Variants in FMNL3 observed in about 807,000 individuals in gnomAD.
The protein encoded by FMNL3 is formin like 3, also known as formin-like protein 3.
FMNL3 carries 57 observed loss-of-function variants against 119.6 expected under a neutral mutation model. The observed-to-expected ratio is 0.48, with a 90% CI of 0.39 to 0.59. The LOEUF is 0.59. FMNL3 is among the 20% of genes least tolerant of loss of function. The pLI is 0.00. For missense variants in FMNL3, 1,053 were observed against 1,323.5 expected (o/e 0.80, Z 3.17); for synonymous variants, 491 against 507.3 (o/e 0.97, Z 0.43).
At chr12:49,697,713 C>T (rs1414715501) in intron 1 of FMNL3, among the ~76,000 whole-genome samples, 2 of 152,102 alleles carry the variant, frequency 1.3e-5, no homozygotes, top group African/African-American at 2.4e-5. Flanking sequence ...ATTTTTAGCA[C>T]CTTTATAGGT....
rs551637787 is a variant in FMNL3, at chr12:49,679,963, T to C, written c.127-11409A>G. 5.3e-5 allele frequency among the ~76,000 whole-genome samples: 8 copies of C among 152,348 alleles called. No homozygotes were observed. In the South Asian group the frequency reaches 1.2e-3, roughly 24 times the overall value. On this transcript the variant is annotated intron_variant, in intron 1 of 25. Coordinates refer to ENST00000335154, the MANE Select transcript of FMNL3 (RefSeq NM_175736.5). Reference sequence around the variant, plus strand: ...GCCAGGATGATGCTAGACCCTTCAATTGCAAGATTTCATGGAAAAGTCACT... The same window carrying C: ...GCCAGGATGATGCTAGACCCTTCAACTGCAAGATTTCATGGAAAAGTCACT...
At chr12:49,662,093 G>C in intron 4 of FMNL3, 44 bp from the exon 5 acceptor site, 1 of 1,589,340 alleles carries the variant, frequency 6.3e-7, no homozygotes, top group Non-Finnish European at 8.6e-7. Context: ...GCTAAAAGTG[G>C]GTCAAGGATG....
chr12:49,637,366 T>A lies in FMNL3; in HGVS notation c.*8449A>T. On this transcript the variant is annotated 3_prime_UTR_variant, in exon 26 of 26. Coordinates refer to ENST00000335154, the MANE Select transcript of FMNL3 (RefSeq NM_175736.5). ...CTCTCTTGCCTGCATTTCCTCAATC[T>A]TGATTGTCCCTGCCTCTTCCTCTGC... 1.3e-6 allele frequency: 1 copy of A among 745,650 alleles called. No individual in the cohort carries two copies. Among genetic ancestry groups the A allele is most frequent in the South Asian group, 1.7e-5 (1 of 60,304 alleles). The allele number at this position is 745,650 out of a possible 1,614,324, so 46.2% of individuals were successfully genotyped here.
chr12:49,666,250 G>A (rs757959436), intron 2 of FMNL3, 43 bp from the exon 3 acceptor site: 2 of 1,541,864 alleles, frequency 1.3e-6, no homozygotes, highest in Admixed American at 1.7e-5. Flanking sequence ...AAGACAACCA[G>A]AGACCTGAGG....
rs370425480 is a variant in FMNL3, at chr12:49,671,525, C to A, written c.127-2971G>T. 3.9e-5 allele frequency among the ~76,000 whole-genome samples: 6 copies of A among 152,212 alleles called. No individual in the cohort carries two copies. The East Asian group carries it at 9.6e-4, about 24-fold the overall frequency. ...CGGGTCACTGGCTGCCAGTGGGAGC[C>A]ACCTGCCAAGGGGGCATAAACCAGA... On this transcript the variant is annotated intron_variant, in intron 1 of 25. Coordinates refer to ENST00000335154, the MANE Select transcript of FMNL3 (RefSeq NM_175736.5).
Position 49,642,880 on chromosome 12 carries a change from T to C in FMNL3, c.*2935A>G, listed in dbSNP as rs1337118913. 4 of 1,569,008 alleles carry C rather than the reference T, an allele frequency of 2.5e-6. No individual in the cohort carries two copies. The highest frequency in any genetic ancestry group is 3.5e-6 in the Non-Finnish European group (4 of 1,151,910). ...AGATTTTAGGAAGTAGGATCCTTCC[T>C]GGGGCTAAGTCTGGTGCTGTCCTCA... On this transcript the variant is annotated 3_prime_UTR_variant, in exon 26 of 26. Coordinates refer to ENST00000335154, the MANE Select transcript of FMNL3 (RefSeq NM_175736.5). This position sits in a 1 kb window ranked among gnomAD's most constrained non-coding sequence, Gnocchi z 5.8.
chr12:49,648,974 G>A, intron 21 of FMNL3, 55 bp downstream of exon 21: 1 of 1,526,802 alleles, frequency 6.5e-7, no homozygotes, highest in Non-Finnish European at 8.8e-7. Flanking sequence ...ATAGCTTCCT[G>A]GGATTGTCCT....
At chr12:49,686,481 G>C (rs1944463197) in intron 1 of FMNL3, among the ~76,000 whole-genome samples, 1 of 151,364 alleles carries the variant, frequency 6.6e-6, no homozygotes, top group African/African-American at 2.4e-5. Flanking sequence ...GGGAGGCTGA[G>C]GCAGGAGAAT....
Position 49,637,800 on chromosome 12 carries a change from G to A in FMNL3, c.*8015C>T. 6.2e-7 allele frequency: 1 copy of A among 1,608,530 alleles called. No individual in the cohort carries two copies. ...TGAAGGCACGATTCCATGATGAAAA[G>A]AAGATCATTAAGGACATCCTTAAGG... On this transcript the variant is annotated 3_prime_UTR_variant, in exon 26 of 26. Coordinates refer to ENST00000335154, the MANE Select transcript of FMNL3 (RefSeq NM_175736.5).
At chr12:49,662,125 C>G (rs1373908346) in intron 4 of FMNL3, 76 bp from the exon 5 acceptor site, 1 of 1,312,332 alleles carries the variant, frequency 7.6e-7, no homozygotes, top group Non-Finnish European at 1.1e-6. Flanking sequence ...ATGCCTCTGA[C>G]CCAACACCTC....
chr12:49,652,050 C>T lies in FMNL3; in HGVS notation c.1486G>A (p.Glu496Lys). 6.2e-7 allele frequency: 1 copy of T among 1,610,988 alleles called. No individual in the cohort carries two copies. Among genetic ancestry groups the T allele is most frequent in the Non-Finnish European group, 8.5e-7 (1 of 1,178,654 alleles). The change falls in exon 14 of 26, where the codon GAG becomes AAG. Residue 496 changes from glutamate to lysine, a missense_variant. Coordinates refer to ENST00000335154, the MANE Select transcript of FMNL3 (RefSeq NM_175736.5). ...LARVGPAELS[E>K]GMPPSDLDLL... ...TCCAGGTCGGAGGGTGGCATGCCCTCACTCAGCTCTGCAGGGCCTACTCTG... is the reference window on the plus strand; with the variant it reads ...TCCAGGTCGGAGGGTGGCATGCCCTTACTCAGCTCTGCAGGGCCTACTCTG...
chr12:49,688,680 A>C, intron 1 of FMNL3: 1 of 365,524 alleles, frequency 2.7e-6, no homozygotes, highest in South Asian at 2.1e-5. Context: ...CAGACCAGGC[A>C]AGAGCTGAAG....
Position 49,639,867 on chromosome 12 carries a change from C to T in FMNL3, c.*5948G>A, listed in dbSNP as rs186076159. ...AATAGGAATTCTATTTGGGGAATTACTCTCAAAGCAAATATATTTTAAAAC... is the reference window on the plus strand; with the variant it reads ...AATAGGAATTCTATTTGGGGAATTATTCTCAAAGCAAATATATTTTAAAAC... On this transcript the variant is annotated 3_prime_UTR_variant, in exon 26 of 26. Transcript: ENST00000335154. The T allele has an allele frequency of 1.3e-5, 2 of 152,272 alleles. No individual in the cohort carries two copies. The highest frequency in any genetic ancestry group is 6.5e-5 in the Admixed American group (1 of 15,302). 9.4% of individuals were successfully genotyped at this position (152,272 alleles called of 1,614,324 possible).
At chr12:49,654,676 G>A (rs911353485) in intron 10 of FMNL3, among the ~76,000 whole-genome samples, 2 of 151,970 alleles carry the variant, frequency 1.3e-5, no homozygotes, top group Non-Finnish European at 2.9e-5. Context: ...CCAATTCAAG[G>A]ACAAAAAGGC....
intron 1 of FMNL3, among the ~76,000 whole-genome samples, chr12:49,681,953 C>A (rs1944346488): frequency 6.6e-6 from 1 of 152,094 alleles, no homozygotes; most frequent in Admixed American, 6.5e-5. Context: ...GGATTTTGCA[C>A]AGTGCCTGGC....
intron 1 of FMNL3, among the ~76,000 whole-genome samples, chr12:49,692,411 T>C (rs80280248): frequency 3.3e-5 from 5 of 151,814 alleles, no homozygotes; most frequent in Admixed American, 6.6e-5. Flanking sequence ...AAGTAGATAA[T>C]GTAAAAGAAA....
chr12:49,663,590 TAAAATGCCAGG>T (rs1943801615), intron 4 of FMNL3, among the ~76,000 whole-genome samples: 1 of 152,234 alleles, frequency 6.6e-6, no homozygotes, highest in Non-Finnish European at 1.5e-5. Flanking sequence ...CAGGCATGCC[TAAAATGCCAGG>T]CACTGAGCTA....
Position 49,666,018 on chromosome 12 carries a change from T to C in FMNL3, c.291+109A>G, listed in dbSNP as rs1000751516. Reference sequence around the variant, plus strand: ...TGGCCACAGAACCCTGAAATCCAACTCCCAATGCTCAGAAACAGATGTCCA... The same window carrying C: ...TGGCCACAGAACCCTGAAATCCAACCCCCAATGCTCAGAAACAGATGTCCA... On this transcript the variant is annotated intron_variant, in intron 3 of 25. Transcript: ENST00000335154. 21 of 1,534,722 alleles carry C rather than the reference T, an allele frequency of 1.4e-5. No homozygotes were observed. In the Admixed American group the frequency reaches 1.7e-4, roughly 12 times the overall value.
At position 49,646,869 on chromosome 12, in the gene FMNL3, A is replaced by C; in HGVS notation, c.2995+17T>G. Reference sequence around the variant, plus strand: ...TGGGTGCAATGGCCAGGCCCCAGGGAGTGAAAAGGGCCCCACCTGTGATGA... The same window carrying C: ...TGGGTGCAATGGCCAGGCCCCAGGGCGTGAAAAGGGCCCCACCTGTGATGA... On this transcript the variant is annotated intron_variant, in intron 25 of 25. Transcript: ENST00000335154. 1 of 1,613,162 alleles carries C rather than the reference A, an allele frequency of 6.2e-7. No individual in the cohort carries two copies. The highest frequency in any genetic ancestry group is 1.7e-5 in the Admixed American group (1 of 59,956).
Sources: allele counts gnomAD v4.1 joint callset (sites outside exome capture counted in the v4.1 genomes callset), GRCh38; gene constraint gnomAD v4.1.1; non-coding constraint Gnocchi (gnomAD v3.1); transcripts MANE v1.5; gene names NCBI Gene and HGNC (gene_info 2026-07-23, HGNC 2026-07-21).